The following NXPE4 variants were observed in gnomAD, a reference collection of about 807,000 sequenced individuals.
The protein encoded by NXPE4 is neurexophilin and PC-esterase domain family member 4.
In NXPE4, 42 loss-of-function variants were observed where a neutral mutation model predicts 33.3. The observed-to-expected ratio is 1.26, with a 90% CI of 0.98 to 1.63. The LOEUF (loss-of-function observed/expected upper bound fraction) is 1.63. Among genes scored for constraint, NXPE4 ranks in the 40% most tolerant of loss-of-function variants. NXPE4 has a pLI of 0.00. For missense variants in NXPE4, 709 were observed against 647.6 expected (o/e 1.09, Z -1.03); for synonymous variants, 253 against 234.9 (o/e 1.08, Z -0.71).
the NXPE4 span, among the ~76,000 whole-genome samples, chr11:114,634,491 G>T: frequency 6.6e-6 from 1 of 152,024 alleles, no homozygotes; most frequent in African/African-American, 2.4e-5. Context: ...GTCAATTTTG[G>T]CTTTTGTTGC....
chr11:114,673,261 G>A, the NXPE4 span, among the ~76,000 whole-genome samples: 1 of 151,240 alleles, frequency 6.6e-6, no homozygotes, highest in Non-Finnish European at 1.5e-5. Context: ...AGGGAAATCA[G>A]AATACACTTT....
chr11:114,642,217 C>T, the NXPE4 span, among the ~76,000 whole-genome samples: 1 of 151,898 alleles, frequency 6.6e-6, no homozygotes, highest in Non-Finnish European at 1.5e-5. Flanking sequence ...TCCTTCTCCC[C>T]CAGTTCAAAA....
At chr11:114,596,882 G>A (rs946982325), upstream of NXPE4, among the ~76,000 whole-genome samples, 8 of 152,148 alleles carry the variant, frequency 5.3e-5, no homozygotes. Context: ...CAATAGATAT[G>A]CTTGACTTAA....
the NXPE4 span, among the ~76,000 whole-genome samples, chr11:114,666,062 A>G: frequency 4.3e-4 from 65 of 152,220 alleles, no homozygotes; most frequent in African/African-American, 1.5e-3. Flanking sequence ...TCCAGTATTC[A>G]GGTTCATTTG....
At chr11:114,626,916 T>C in the NXPE4 span, among the ~76,000 whole-genome samples, 3 of 151,562 alleles carry the variant, frequency 2.0e-5, no homozygotes, top group African/African-American at 7.3e-5. Flanking sequence ...AGAAAGGGTA[T>C]CAGTGATGGA....
At chr11:114,644,234 GAATACCTTT>G in the NXPE4 span, among the ~76,000 whole-genome samples, 1 of 152,024 alleles carries the variant, frequency 6.6e-6, no homozygotes, top group Admixed American at 6.6e-5. Context: ...CTTCCTGTTC[GAATACCTTT>G]ATTTCTTTCT....
At chr11:114,649,487 G>T in the NXPE4 span, among the ~76,000 whole-genome samples, 1 of 152,280 alleles carries the variant, frequency 6.6e-6, no homozygotes, top group African/African-American at 2.4e-5. Flanking sequence ...AGACACAAGA[G>T]ACCACATGTT....
intron 2 of NXPE4, among the ~76,000 whole-genome samples, chr11:114,592,327 T>C (rs548568233): frequency 6.6e-6 from 1 of 152,082 alleles, no homozygotes; most frequent in Non-Finnish European, 1.5e-5. Context: ...TCAGTAAAGT[T>C]GCAGGATACA....
At chr11:114,651,466 G>A in the NXPE4 span, among the ~76,000 whole-genome samples, 1 of 152,200 alleles carries the variant, frequency 6.6e-6, no homozygotes, top group Non-Finnish European at 1.5e-5. Context: ...GACCCAAAGA[G>A]TAAGCAGCAG....
At chr11:114,671,993 T>G in the NXPE4 span, among the ~76,000 whole-genome samples, 1 of 152,022 alleles carries the variant, frequency 6.6e-6, no homozygotes, top group African/African-American at 2.4e-5. Context: ...CTCAGAAAAC[T>G]TACAATCATG....
chr11:114,640,258 T>G, the NXPE4 span, among the ~76,000 whole-genome samples: 1 of 142,768 alleles, frequency 7.0e-6, no homozygotes, highest in African/African-American at 2.6e-5. Context: ...ATATAAAATA[T>G]ATAGTATATA....
the NXPE4 span, among the ~76,000 whole-genome samples, chr11:114,602,636 C>T: frequency 3.1e-4 from 43 of 140,366 alleles, no homozygotes; most frequent in Middle Eastern, 0.023. Flanking sequence ...ATTATAGATT[C>T]ATATATAATA....
At chr11:114,669,556 C>G in the NXPE4 span, among the ~76,000 whole-genome samples, 1 of 152,052 alleles carries the variant, frequency 6.6e-6, no homozygotes, top group Non-Finnish European at 1.5e-5. Context: ...AGAGCAGAAG[C>G]ACTTTTCTAG....
the NXPE4 span, among the ~76,000 whole-genome samples, chr11:114,626,065 A>G: frequency 3.3e-5 from 5 of 152,216 alleles, no homozygotes; most frequent in Non-Finnish European, 5.9e-5. Context: ...CAGCAGTCTG[A>G]GATCAAACTG....
chr11:114,635,072 G>A, the NXPE4 span, among the ~76,000 whole-genome samples: 3 of 151,854 alleles, frequency 2.0e-5, no homozygotes, highest in Non-Finnish European at 2.9e-5. Flanking sequence ...CCATTTTCAC[G>A]ATATTGATTC....
At chr11:114,610,612 C>A in the NXPE4 span, among the ~76,000 whole-genome samples, 3 of 137,430 alleles carry the variant, frequency 2.2e-5, no homozygotes, top group Non-Finnish European at 5.0e-5. Flanking sequence ...ACCACTGTTA[C>A]CCGGTGGATA....
the NXPE4 span, among the ~76,000 whole-genome samples, chr11:114,607,489 T>G: frequency 2.6e-5 from 4 of 151,902 alleles, no homozygotes; most frequent in Non-Finnish European, 5.9e-5. Context: ...GTGAACACCA[T>G]TACCGGCTGG....
At chr11:114,670,398 C>T in the NXPE4 span, among the ~76,000 whole-genome samples, 1 of 151,932 alleles carries the variant, frequency 6.6e-6, no homozygotes, top group Non-Finnish European at 1.5e-5. Context: ...AGCCCAATTA[C>T]TAAACAAACA....
the NXPE4 span, among the ~76,000 whole-genome samples, chr11:114,647,192 T>C: frequency 6.6e-6 from 1 of 152,252 alleles, no homozygotes; most frequent in Non-Finnish European, 1.5e-5. Flanking sequence ...ATCACTGCTA[T>C]ATTATTCACC....
Sources: allele counts gnomAD v4.1 joint callset (sites outside exome capture counted in the v4.1 genomes callset), GRCh38; gene constraint gnomAD v4.1.1; transcripts MANE v1.5; gene names NCBI Gene and HGNC (gene_info 2026-07-23, HGNC 2026-07-21).